ZNF532: variants seen among roughly 807,000 people sequenced by gnomAD.
ZNF532 encodes zinc finger protein 532.
ZNF532 carries 22 observed loss-of-function variants against 89.3 expected under a neutral mutation model. That is an observed-to-expected ratio of 0.25 (90% CI 0.18 to 0.35). The LOEUF (loss-of-function observed/expected upper bound fraction) is 0.35. Ranked by LOEUF, ZNF532 falls within the 10% of genes least tolerant of loss-of-function variation. The pLI is 1.00. For synonymous variants in ZNF532, 606 were observed against 649.6 expected (o/e 0.93, Z 1.02); for missense variants, 1,132 against 1,643.4 (o/e 0.69, Z 5.38).
intron 7 of ZNF532, among the ~76,000 whole-genome samples, chr18:58,962,120 G>A (rs2065405823): frequency 6.6e-6 from 1 of 152,122 alleles, no homozygotes; most frequent in Admixed American, 6.5e-5. Flanking sequence ...CAGCTACTCA[G>A]GAGGCTGAGG....
chr18:58,880,688 T>C (rs907935432), intron 2 of ZNF532, among the ~76,000 whole-genome samples: 1 of 151,768 alleles, frequency 6.6e-6, no homozygotes, highest in Non-Finnish European at 1.5e-5. Flanking sequence ...CTGGTGGAAT[T>C]GTTCAAACCT....
rs2063928235 is a variant in ZNF532, at chr18:58,949,194, A to G, written c.2868+965A>G. 1.3e-5 allele frequency among the ~76,000 whole-genome samples: 2 copies of G among 152,192 alleles called. 1 individual carries two copies. The highest frequency in any genetic ancestry group is 1.3e-4 in the Admixed American group (2 of 15,278). On this transcript the variant is annotated intron_variant, in intron 6 of 9. Coordinates refer to ENST00000591808, the MANE Select transcript of ZNF532 (RefSeq NM_001375912.1). ...CCAAAAGGGGCACAGAAATCTATTT[A>G]TAGCCTTTTAAGCTTACTAAGGCCA...
rs1426705228 is a variant in ZNF532, at chr18:58,939,525, A to G, written c.2609A>G (p.Tyr870Cys). ...HIQGSHCEVF[Y>C]KCPICPMAFK... ...CAAGGTTCTCACTGTGAAGTCTTCT[A>G]CAAGTGTCCTATTTGTCCAATGGCG... is the stretch of plus-strand genomic sequence containing the variant. Residue 870 changes from tyrosine to cysteine, a missense_variant, in exon 5 of 10, where the codon TAC becomes TGC. Tyr to Cys is a radical substitution (Grantham distance 194). Around this residue, in one of 9 missense-constraint regions of ZNF532, gnomAD observed 415 missense variants for 604.8 expected, o/e 0.69. Coordinates refer to ENST00000591808, the MANE Select transcript of ZNF532 (RefSeq NM_001375912.1). 1 of 1,614,164 alleles carries G rather than the reference A, an allele frequency of 6.2e-7. No homozygotes were observed. Among genetic ancestry groups the G allele is most frequent in the Non-Finnish European group, 8.5e-7 (1 of 1,180,026 alleles).
chr18:58,981,255 C>G (rs1257691537), intron 8 of ZNF532: 19 of 581,742 alleles, frequency 3.3e-5, no homozygotes, highest in Middle Eastern at 4.8e-4. Flanking sequence ...TTTTGAAATG[C>G]AATATTTTCC....
chr18:58,874,479 G>GT (rs199771027), intron 2 of ZNF532, among the ~76,000 whole-genome samples: 14,324 of 152,154 alleles, frequency 0.094, 664 homozygotes, highest in Middle Eastern at 0.16. Flanking sequence ...TGTGTAGCTG[G>GT]GGTTACAGGC....
intron 2 of ZNF532, among the ~76,000 whole-genome samples, chr18:58,916,178 T>C (rs765650611): frequency 6.6e-6 from 1 of 152,176 alleles, no homozygotes; most frequent in Non-Finnish European, 1.5e-5. Context: ...AATGGCAGCT[T>C]TATTGTGAGT....
chr18:58,864,855 A>G (rs2056308222), upstream of ZNF532: 2 of 152,220 alleles, frequency 1.3e-5, no homozygotes, highest in South Asian at 2.1e-4. Flanking sequence ...TCCTGAACAC[A>G]ATGCAGTCAC....
In ZNF532 at chr18:58,916,647, C is replaced by T. The variant is rs528320707; in HGVS notation, c.-17-1624C>T. ...AGCGGATTTATTCTTCAGCTCCCAT[C>T]GAACCCTAAGTGTTGATTTCGCCTT... On this transcript the variant is annotated intron_variant, in intron 2 of 9. Transcript: ENST00000591808. 6.9e-4 allele frequency: 645 copies of T among 939,096 alleles called. 4 individuals carry two copies. In the African/African-American group the frequency reaches 9.9e-3, roughly 14 times the overall value. The allele number at this position is 939,096 out of a possible 1,614,324, so 58.2% of individuals were successfully genotyped here.
At chr18:58,981,680 T>G in intron 9 of ZNF532, 63 bp downstream of exon 9, 1 of 1,593,854 alleles carries the variant, frequency 6.3e-7, no homozygotes, top group Non-Finnish European at 8.6e-7. Context: ...CCCATTCATT[T>G]TTTTCCTTTC....
In ZNF532 at chr18:58,927,787, T is replaced by G. The variant is rs1301598582; in HGVS notation, c.2347-6646T>G. Among the ~76,000 whole-genome samples the G allele has an allele frequency of 2.0e-5, 3 of 152,232 alleles. No individual in the cohort carries two copies. In the East Asian group the frequency reaches 5.8e-4, roughly 29 times the overall value. ...ATTGTGTAATTGCATTATTGTGCTC[T>G]GCCGGAGACTTTCAGACCCCAATCT... On this transcript the variant is annotated intron_variant, in intron 3 of 9. Coordinates refer to ENST00000591808, the MANE Select transcript of ZNF532 (RefSeq NM_001375912.1).
chr18:58,938,973 A>G (rs967150132), intron 4 of ZNF532, among the ~76,000 whole-genome samples: 3 of 152,208 alleles, frequency 2.0e-5, no homozygotes, highest in African/African-American at 4.8e-5. Context: ...TAGGCTGGGC[A>G]TGGTGGTTTA....
At chr18:58,961,542 A>G (rs1309577591) in intron 7 of ZNF532, among the ~76,000 whole-genome samples, 1 of 152,214 alleles carries the variant, frequency 6.6e-6, no homozygotes, top group Non-Finnish European at 1.5e-5. Context: ...ATTGCCCAGA[A>G]TGAATTATGT....
At chr18:58,868,825 A>G (rs896708633) in intron 2 of ZNF532, among the ~76,000 whole-genome samples, 1 of 152,196 alleles carries the variant, frequency 6.6e-6, no homozygotes, top group South Asian at 2.1e-4. Flanking sequence ...ATGCAGGGGT[A>G]CATTCTGAGA....
rs529977522 is a variant in ZNF532, at chr18:58,939,696, T to C, written c.2705+75T>C. ...TAGAAGCAAGGTAGTAGTCGTTCTA[T>C]TGAATAACATTTACCAAGATCTGAA... On this transcript the variant is annotated intron_variant, in intron 5 of 9. Coordinates refer to ENST00000591808, the MANE Select transcript of ZNF532 (RefSeq NM_001375912.1). 9.3e-6 allele frequency: 13 copies of C among 1,391,976 alleles called. No homozygotes were observed. In the African/African-American group the frequency reaches 1.7e-4, roughly 19 times the overall value. 86.2% of individuals were successfully genotyped at this position (1,391,976 alleles called of 1,614,324 possible).
At chr18:58,865,779 T>G (rs2056398308) in intron 2 of ZNF532, among the ~76,000 whole-genome samples, 200 bp downstream of exon 2, 1 of 152,224 alleles carries the variant, frequency 6.6e-6, no homozygotes, top group South Asian at 2.1e-4. Flanking sequence ...AATGCCTTCA[T>G]TAAATCGCAT....
At chr18:58,977,936 C>G (rs1304629230) in intron 7 of ZNF532, among the ~76,000 whole-genome samples, 2 of 152,196 alleles carry the variant, frequency 1.3e-5, no homozygotes, top group East Asian at 3.8e-4. Context: ...CCACTTCAGT[C>G]TTTAATGAGT....
chr18:58,961,964 C>A (rs914029547), intron 7 of ZNF532, among the ~76,000 whole-genome samples: 17 of 152,160 alleles, frequency 1.1e-4, no homozygotes, highest in Admixed American at 4.6e-4. Context: ...GTGGGTCATG[C>A]CTGTAATCCC....
chr18:58,983,519 C>G (rs2068076304), intron 9 of ZNF532, among the ~76,000 whole-genome samples: 1 of 152,182 alleles, frequency 6.6e-6, no homozygotes, highest in African/African-American at 2.4e-5. Flanking sequence ...TTTCCCGACA[C>G]TGCGTCAGGT....
chr18:58,892,992 T>TC (rs2059005046), intron 2 of ZNF532, among the ~76,000 whole-genome samples: 1 of 151,322 alleles, frequency 6.6e-6, no homozygotes, highest in Admixed American at 6.6e-5. Flanking sequence ...CTTTTTTTTT[T>TC]TTTTTTTGAG....
Sources: gnomAD v4.1 joint callset for allele counts (sites outside exome capture counted in the v4.1 genomes callset) on GRCh38, gnomAD v4.1.1 for gene constraint, gnomAD v4.1.1 regional missense constraint, MANE v1.5 for transcripts, NCBI Gene and HGNC (gene_info 2026-07-23, HGNC 2026-07-21) for gene names.